Variants in ECT2L observed in about 807,000 individuals in gnomAD.
ECT2L encodes epithelial cell-transforming sequence 2 oncogene-like.
Under a neutral mutation model 122.8 loss-of-function variants are expected in ECT2L, and 126 were observed. The ratio of observed to expected loss-of-function variants is 1.03; its 90% CI spans 0.89 to 1.19. ECT2L has a LOEUF of 1.19. Among genes scored for constraint, ECT2L ranks in the 50% most tolerant of loss-of-function variants. ECT2L has a pLI of 0.00. For missense variants in ECT2L, 1,012 were observed against 1,064.1 expected (o/e 0.95, Z 0.68); for synonymous variants, 385 against 381.8 (o/e 1.01, Z -0.10).
chr6:138,796,733 A>G (rs555710540), intron 1 of ECT2L, among the ~76,000 whole-genome samples: 3 of 152,366 alleles, frequency 2.0e-5, no homozygotes, highest in African/African-American at 7.2e-5. Context: ...GTGGTACTTT[A>G]AAATATCGAT....
chr6:138,802,334 C>G (rs1284656547), intron 1 of ECT2L, among the ~76,000 whole-genome samples: 1 of 152,260 alleles, frequency 6.6e-6, no homozygotes, highest in Non-Finnish European at 1.5e-5. Context: ...TATGTCTACA[C>G]TTGTCACTCA....
At chr6:138,901,261 A>G in intron 21 of ECT2L, 141 bp downstream of exon 21, 1 of 865,516 alleles carries the variant, frequency 1.2e-6, no homozygotes, top group South Asian at 1.9e-5. Context: ...GAATTTCATT[A>G]AACAATGTAA....
chr6:138,814,583 A>G lies in ECT2L; in HGVS notation c.159A>G (p.Arg53=), dbSNP rs1251297285. ...AATTCTTATTCGCAATTTTTTTAAG[A>G]TGCACTAAATCACAATTAAGGTAAA... ...RQEFLFAIFL[R]CTKSQLRFVQ... Residue 53 remains arginine, a synonymous_variant, in exon 4 of 22, where the codon AGA becomes AGG. Transcript: ENST00000541398. The G allele has an allele frequency of 1.2e-6, 2 of 1,609,872 alleles. No homozygotes were observed. Among genetic ancestry groups the G allele is most frequent in the East Asian group, 2.2e-5 (1 of 44,834 alleles).
intron 5 of ECT2L, among the ~76,000 whole-genome samples, chr6:138,842,655 C>G (rs556739700): frequency 8.6e-5 from 13 of 151,778 alleles, no homozygotes; most frequent in African/African-American, 3.1e-4. Flanking sequence ...GCCTGTAGTC[C>G]CAGCTACTCT....
At chr6:138,844,948 A>T (rs1171032097) in intron 7 of ECT2L, among the ~76,000 whole-genome samples, 1 of 152,126 alleles carries the variant, frequency 6.6e-6, no homozygotes, top group Non-Finnish European at 1.5e-5. Flanking sequence ...TCAACTCTGC[A>T]TTGAAGCTAT....
At chr6:138,861,514 C>T (rs1021000776) in intron 10 of ECT2L, among the ~76,000 whole-genome samples, 2 of 152,068 alleles carry the variant, frequency 1.3e-5, no homozygotes, top group African/African-American at 2.4e-5. Flanking sequence ...GTTTGACGGC[C>T]GCATAAATGT....
intron 1 of ECT2L, among the ~76,000 whole-genome samples, chr6:138,798,389 G>C (rs1418891287): frequency 1.3e-5 from 2 of 152,078 alleles, no homozygotes; most frequent in Non-Finnish European, 2.9e-5. Context: ...CTGAACAAAA[G>C]ATGCTCCTAT....
chr6:138,801,279 A>G (rs1240676879), intron 1 of ECT2L, among the ~76,000 whole-genome samples: 20 of 152,308 alleles, frequency 1.3e-4, no homozygotes, highest in African/African-American at 3.8e-4. Context: ...ATGGCTCCCA[A>G]TGACCTCAGC....
At chr6:138,866,512 A>C (rs1003482146) in intron 12 of ECT2L, among the ~76,000 whole-genome samples, 1 of 152,052 alleles carries the variant, frequency 6.6e-6, no homozygotes, top group African/African-American at 2.4e-5. Flanking sequence ...TGGCCTCCCA[A>C]AGTGCTAGGA....
intron 13 of ECT2L, 147 bp from the exon 14 acceptor site, chr6:138,876,325 T>A: frequency 1.9e-6 from 1 of 513,676 alleles, no homozygotes; most frequent in Non-Finnish European, 3.5e-6. Flanking sequence ...GGCATCCCAT[T>A]TGCAAGCACT....
intron 16 of ECT2L, among the ~76,000 whole-genome samples, chr6:138,883,628 T>C (rs1260492709): frequency 6.6e-6 from 1 of 152,210 alleles, no homozygotes; most frequent in Non-Finnish European, 1.5e-5. Flanking sequence ...CTTTGTAGTA[T>C]TCCTTCTACC....
chr6:138,860,201 A>G (rs1777774508), intron 10 of ECT2L, among the ~76,000 whole-genome samples: 1 of 152,196 alleles, frequency 6.6e-6, no homozygotes, highest in South Asian at 2.1e-4. Context: ...CATCATATCT[A>G]AAAACGATTT....
chr6:138,813,432 A>G (rs191559233), intron 3 of ECT2L, 92 bp downstream of exon 3: 46 of 935,698 alleles, frequency 4.9e-5, no homozygotes, highest in Non-Finnish European at 1.8e-5. Flanking sequence ...ATTTTTAAAG[A>G]AAAACTCTCT....
chr6:138,821,591 T>C (rs1021215943), intron 4 of ECT2L, among the ~76,000 whole-genome samples: 8 of 152,250 alleles, frequency 5.3e-5, no homozygotes, highest in African/African-American at 1.7e-4. Flanking sequence ...TAGAATTGTG[T>C]GCACCGCCAG....
Position 138,849,401 on chromosome 6 carries a change from G to A in ECT2L, c.1036G>A (p.Asp346Asn), listed in dbSNP as rs749502644. Residue 346 changes from aspartate to asparagine, a missense_variant, in exon 9 of 22, where the codon GAT (aspartate) becomes AAT (asparagine). Asp to Asn is a conservative substitution (Grantham distance 23). Transcript: ENST00000541398. ...GGCACAGAGCATCGGAATATTTAGCGATGGAGACAGCAGAGAAATCAATTT... is the reference window on the plus strand; with the variant it reads ...GGCACAGAGCATCGGAATATTTAGCAATGGAGACAGCAGAGAAATCAATTT... ...QKAQSIGIFS[D>N]GDSREINLLQ... is the part of the protein sequence containing the mutation. 3.1e-6 allele frequency: 5 copies of A among 1,613,724 alleles called. No individual in the cohort carries two copies. Among genetic ancestry groups the A allele is most frequent in the Non-Finnish European group, 4.2e-6 (5 of 1,179,892 alleles).
At chr6:138,803,383 A>T (rs1374561055) in intron 1 of ECT2L, among the ~76,000 whole-genome samples, 1 of 152,142 alleles carries the variant, frequency 6.6e-6, no homozygotes, top group Non-Finnish European at 1.5e-5. Flanking sequence ...GCCCACCAGC[A>T]GAGACAGCGA....
chr6:138,868,297 T>A, intron 13 of ECT2L, 91 bp downstream of exon 13: 1 of 1,103,784 alleles, frequency 9.1e-7, no homozygotes, highest in African/African-American at 1.6e-5. Flanking sequence ...GACCAGTTTA[T>A]CCCTTTCAGA....
chr6:138,862,686 C>T lies in ECT2L; in HGVS notation c.1258C>T (p.Pro420Ser). Reference sequence around the variant, plus strand: ...ACTAACTGGCACGTTCTTTACGGCCCCCACTGGGATTGCAACTGGCTCTTA... The same window carrying T: ...ACTAACTGGCACGTTCTTTACGGCCTCCACTGGGATTGCAACTGGCTCTTA... ...SQLTGTFFTAPTGIATGSYQH... is the reference protein window; with the variant it reads ...SQLTGTFFTASTGIATGSYQH... Residue 420 changes from proline (P) to serine (S), a missense_variant, in exon 11 of 22, where the codon CCC (proline) becomes TCC (serine). Pro to Ser is a moderately conservative substitution (Grantham distance 74, BLOSUM62 -1). Transcript: ENST00000541398. The T allele has an allele frequency of 6.2e-7, 1 of 1,614,134 alleles. No individual in the cohort carries two copies. Among genetic ancestry groups the T allele is most frequent in the Non-Finnish European group, 8.5e-7 (1 of 1,179,988 alleles).
rs761112235 is a variant in ECT2L, at chr6:138,876,588, T to C, written c.1665+30T>C. The C allele has an allele frequency of 2.6e-5, 37 of 1,437,362 alleles. No individual in the cohort carries two copies. The Admixed American group carries it at 2.6e-4, about 10-fold the overall frequency. 89.0% of individuals were successfully genotyped at this position (1,437,362 alleles called of 1,614,324 possible). On this transcript the variant is annotated intron_variant, in intron 14 of 21. Transcript: ENST00000541398. ...GCTATTATATAATGTAACTTTACCATTGGTTTTGCTCCTGATAGTGAAATT... is the reference window on the plus strand; with the variant it reads ...GCTATTATATAATGTAACTTTACCACTGGTTTTGCTCCTGATAGTGAAATT...
Sources: gnomAD v4.1 joint callset for allele counts (sites outside exome capture counted in the v4.1 genomes callset) on GRCh38, gnomAD v4.1.1 for gene constraint, MANE v1.5 for transcripts, NCBI Gene and HGNC (gene_info 2026-07-23, HGNC 2026-07-21) for gene names.